GRIK2: variants seen among roughly 807,000 people sequenced by gnomAD.
The protein encoded by GRIK2 is glutamate receptor ionotropic, kainate 2.
In GRIK2, 32 loss-of-function variants were observed where a neutral mutation model predicts 100.3. That is an observed-to-expected ratio of 0.32 (90% CI 0.24 to 0.43). The LOEUF is 0.43. Ranked by LOEUF, GRIK2 falls within the 20% of genes least tolerant of loss-of-function variation. The pLI, the probability that GRIK2 is intolerant of heterozygous loss-of-function variation, is 1.00. For missense variants in GRIK2, 843 were observed against 1,114.9 expected (o/e 0.76, Z 3.47); for synonymous variants, 417 against 389.4 (o/e 1.07, Z -0.83).
intron 10 of GRIK2, among the ~76,000 whole-genome samples, chr6:101,839,043 C>G (rs929324713): frequency 1.3e-5 from 2 of 151,774 alleles, no homozygotes; most frequent in Admixed American, 1.3e-4. Context: ...GCTCCTGCAC[C>G]AGTTTTGTTT....
chr6:101,928,486 A>G lies in GRIK2; in HGVS notation c.1939A>G (p.Ile647Val). 1.2e-6 allele frequency: 2 copies of G among 1,609,192 alleles called. No individual in the cohort carries two copies. Among genetic ancestry groups the G allele is most frequent in the Non-Finnish European group, 1.7e-6 (2 of 1,175,570 alleles). The stretch of plus-strand genomic sequence containing the variant: ...CATTTGGTGGTTTTTCACACTTATC[A>G]TCATTTCTTCGTATACTGCTAACTT... ...GGIWWFFTLIIISSYTANLAA... is the reference protein window; with the variant it reads ...GGIWWFFTLIVISSYTANLAA... The change falls in exon 14 of 17, where the codon ATC becomes GTC. Residue 647 changes from isoleucine to valine, a missense_variant. By Grantham distance (29) the Ile-to-Val change is conservative. Transcript: ENST00000369134.
intron 8 of GRIK2, among the ~76,000 whole-genome samples, chr6:101,800,226 A>G (rs1780587421): frequency 2.0e-5 from 3 of 151,906 alleles, no homozygotes; most frequent in African/African-American, 7.2e-5. Flanking sequence ...TTTACAATTA[A>G]CAAAAATAGA....
chr6:101,556,320 AATTTTTTTTTTTTTTT>A (rs1174412899), intron 2 of GRIK2, among the ~76,000 whole-genome samples: 1 of 55,362 alleles, frequency 1.8e-5, no homozygotes, highest in Non-Finnish European at 4.1e-5. Flanking sequence ...ATATATTGGT[AATTTTTTTTTTTTTTT>A]TTTTTTTTTT....
chr6:101,964,808 G>A (rs1435310432), intron 14 of GRIK2, among the ~76,000 whole-genome samples: 1 of 152,104 alleles, frequency 6.6e-6, no homozygotes, highest in Non-Finnish European at 1.5e-5. Flanking sequence ...TCCTAGGCAG[G>A]GAGAACACAA....
intron 14 of GRIK2, among the ~76,000 whole-genome samples, chr6:102,030,363 A>G (rs185371997): frequency 1.3e-5 from 2 of 151,298 alleles, no homozygotes; most frequent in Admixed American, 6.6e-5. Context: ...ATATTCTTCT[A>G]TCTGCTATTC....
chr6:101,889,018 A>T (rs1335691017), intron 11 of GRIK2, among the ~76,000 whole-genome samples: 1 of 152,110 alleles, frequency 6.6e-6, no homozygotes, highest in African/African-American at 2.4e-5. Flanking sequence ...TCCTAATGCG[A>T]TTTAGGCAAG....
chr6:101,955,171 AT>A (rs1011340103), intron 14 of GRIK2, among the ~76,000 whole-genome samples: 28 of 151,866 alleles, frequency 1.8e-4, no homozygotes, highest in Admixed American at 5.9e-4. Flanking sequence ...TTTTCTTGTG[AT>A]TTTTTTGGGG....
chr6:101,599,824 G>T (rs471149), intron 2 of GRIK2, among the ~76,000 whole-genome samples: 29 of 151,654 alleles, frequency 1.9e-4, no homozygotes. Context: ...GGCATATTTT[G>T]TGATTCTTTT....
intron 2 of GRIK2, among the ~76,000 whole-genome samples, chr6:101,610,176 TAAAG>T (rs1259983514): frequency 1.3e-5 from 2 of 151,638 alleles, no homozygotes; most frequent in East Asian, 3.9e-4. Flanking sequence ...AAATATTGCT[TAAAG>T]AAACTGCAAA....
chr6:101,487,459 A>C (rs886804220), intron 2 of GRIK2, among the ~76,000 whole-genome samples: 2 of 146,654 alleles, frequency 1.4e-5, no homozygotes. Flanking sequence ...ATGAGATCAT[A>C]TGCATGAATG....
chr6:101,895,280 T>C (rs1787367330), intron 12 of GRIK2, among the ~76,000 whole-genome samples: 2 of 151,768 alleles, frequency 1.3e-5, no homozygotes, highest in Non-Finnish European at 1.5e-5. Flanking sequence ...TAATTGCCTT[T>C]AATTATTTTT....
intron 2 of GRIK2, among the ~76,000 whole-genome samples, chr6:101,434,082 G>A (rs1447241152): frequency 6.6e-6 from 1 of 152,208 alleles, no homozygotes; most frequent in Non-Finnish European, 1.5e-5. Flanking sequence ...ATATAGAAAA[G>A]CATGTGGCCA....
intron 7 of GRIK2, among the ~76,000 whole-genome samples, chr6:101,760,826 C>T (rs982991776): frequency 1.4e-5 from 2 of 146,862 alleles, no homozygotes; most frequent in African/African-American, 5.0e-5. Flanking sequence ...GAGATTTTTG[C>T]TTATCAAGTA....
intron 4 of GRIK2, among the ~76,000 whole-genome samples, chr6:101,656,934 A>G (rs1410384932): frequency 6.6e-6 from 1 of 152,210 alleles, no homozygotes; most frequent in Non-Finnish European, 1.5e-5. Context: ...ACTAAGTACT[A>G]TATTTGGAGA....
chr6:101,609,881 G>C (rs968682761), intron 2 of GRIK2, among the ~76,000 whole-genome samples: 1 of 151,712 alleles, frequency 6.6e-6, no homozygotes, highest in South Asian at 2.1e-4. Flanking sequence ...ATGAGGAATA[G>C]ATAGATATTT....
At chr6:102,034,115 G>A (rs1770138293) in intron 14 of GRIK2, among the ~76,000 whole-genome samples, 1 of 151,342 alleles carries the variant, frequency 6.6e-6, no homozygotes, top group Admixed American at 6.6e-5. Flanking sequence ...CATGTTCAGT[G>A]TTTCACTGGG....
At chr6:101,659,529 A>G (rs1769452438) in intron 4 of GRIK2, among the ~76,000 whole-genome samples, 1 of 152,022 alleles carries the variant, frequency 6.6e-6, no homozygotes, top group South Asian at 2.1e-4. Context: ...TTAGCTGGTT[A>G]TTTTGCCCAT....
chr6:101,753,077 G>A (rs1260903031), intron 7 of GRIK2, among the ~76,000 whole-genome samples: 3 of 151,898 alleles, frequency 2.0e-5, no homozygotes, highest in Admixed American at 1.3e-4. Flanking sequence ...GGAGGATCAC[G>A]AGGTCAGGAA....
chr6:101,523,102 G>A (rs1348029662), intron 2 of GRIK2, among the ~76,000 whole-genome samples: 2 of 149,262 alleles, frequency 1.3e-5, no homozygotes, highest in East Asian at 2.0e-4. Context: ...TATGAATCAA[G>A]TATATATTTA....
Sources: gnomAD v4.1 joint callset for allele counts (sites outside exome capture counted in the v4.1 genomes callset) on GRCh38, gnomAD v4.1.1 for gene constraint, MANE v1.5 for transcripts, NCBI Gene and HGNC (gene_info 2026-07-23, HGNC 2026-07-21) for gene names.